The following STX11 variants were observed in gnomAD, a reference collection of about 807,000 sequenced individuals.
STX11 encodes syntaxin-11.
STX11 carries 21 observed loss-of-function variants against 19.9 expected under a neutral mutation model. The observed-to-expected ratio is 1.06, with a 90% confidence interval of 0.75 to 1.52. The LOEUF (loss-of-function observed/expected upper bound fraction) is 1.52, where lower values mean the gene tolerates loss of function less well. STX11 is among the 40% of genes most tolerant of loss of function. The pLI is 0.00. For missense variants in STX11, 438 were observed against 405.9 expected, an observed-to-expected ratio of 1.08 and a Z score of -0.68; for synonymous variants, 193 against 174.4, an observed-to-expected ratio of 1.11 and a Z score of -0.84.
intron 1 of STX11, among the ~76,000 whole-genome samples, chr6:144,166,287 C>T (rs1409329356): frequency 6.6e-6 from 1 of 152,030 alleles, no homozygotes; most frequent in African/African-American, 2.4e-5. Context: ...TAATTTGTTC[C>T]CAAAAGAAAA....
chr6:144,140,254 A>ATTTTTT, the STX11 span, among the ~76,000 whole-genome samples: 1 of 38,886 alleles, frequency 2.6e-5, no homozygotes, highest in African/African-American at 1.3e-4. Context: ...ATATATATAT[A>ATTTTTT]TTTATTTATT....
Position 144,177,757 on chromosome 6 carries a change from A to C in STX11, c.-5-8866A>C, listed in dbSNP as rs1295135379. 6.6e-6 allele frequency among the ~76,000 whole-genome samples: 1 copy of C among 152,218 alleles called. No individual in the cohort carries two copies. Among genetic ancestry groups the C allele is most frequent in the South Asian group, 2.1e-4 (1 of 4,828 alleles). ...AGAGGGAGACTCCGTCTCAAAAAAAAGAAGAAAGAAAGCTCATCTACTGTC... is the reference window on the plus strand; with the variant it reads ...AGAGGGAGACTCCGTCTCAAAAAAACGAAGAAAGAAAGCTCATCTACTGTC... On this transcript the variant is annotated intron_variant, in intron 1 of 1. Coordinates refer to ENST00000367568, the MANE Select transcript of STX11 (RefSeq NM_003764.4). The surrounding 1 kb of genome is among the most constrained non-coding windows in gnomAD (Gnocchi z 4.4).
At chr6:144,141,890 C>T in the STX11 span, among the ~76,000 whole-genome samples, 6 of 152,062 alleles carry the variant, frequency 3.9e-5, no homozygotes, top group Middle Eastern at 0.014. Flanking sequence ...CCATGTTGCC[C>T]AAGCTCATTT....
In STX11 at chr6:144,175,047, G is replaced by T. The variant is rs112496231; in HGVS notation, c.-5-11576G>T. Among the ~76,000 whole-genome samples, 1 of 152,026 alleles carries T rather than the reference G, an allele frequency of 6.6e-6. No individual in the cohort carries two copies. Among genetic ancestry groups the T allele is most frequent in the Non-Finnish European group, 1.5e-5 (1 of 68,010 alleles). On this transcript the variant is annotated intron_variant, in intron 1 of 1. Transcript: ENST00000367568. This position sits in a 1 kb window ranked among gnomAD's most constrained non-coding sequence, Gnocchi z 5.1. ...GTGGATCACTTGAGGCCAAGAGTTC[G>T]AGACCAACCTGGCCAATGTAATGAA...
the STX11 span, among the ~76,000 whole-genome samples, chr6:144,144,327 T>C: frequency 2.0e-5 from 3 of 152,164 alleles, no homozygotes; most frequent in Non-Finnish European, 4.4e-5. Context: ...AAATACAATA[T>C]TTAAACATGA....
chr6:144,156,774 C>T (rs114436270), intron 1 of STX11, among the ~76,000 whole-genome samples: 394 of 152,350 alleles, frequency 2.6e-3, no homozygotes, highest in African/African-American at 9.0e-3. Flanking sequence ...ACCTCCTCCT[C>T]CCCTCTTCCT....
Position 144,165,182 on chromosome 6 carries a change from C to T in STX11, c.-6+14479C>T, listed in dbSNP as rs538226693. On this transcript the variant is annotated intron_variant, in intron 1 of 1. Transcript: ENST00000367568. This position sits in a 1 kb window ranked among gnomAD's most constrained non-coding sequence, Gnocchi z 5.8. Reference sequence around the variant, plus strand: ...GAAGAAAAATTTTCTTGGCCGGGCGCGGTGGCTCACGCCTGTAATCCCAGC... The same window carrying T: ...GAAGAAAAATTTTCTTGGCCGGGCGTGGTGGCTCACGCCTGTAATCCCAGC... 1.1e-3 allele frequency among the ~76,000 whole-genome samples: 160 copies of T among 151,978 alleles called. 1 individual carries two copies. The highest frequency in any genetic ancestry group is 3.4e-3 in the Middle Eastern group (1 of 294).
In STX11 at chr6:144,165,311, G is replaced by A. The variant is rs530711774; in HGVS notation, c.-6+14608G>A. Among the ~76,000 whole-genome samples the A allele has an allele frequency of 1.6e-3, 242 of 152,044 alleles. 1 individual carries two copies. Among genetic ancestry groups the A allele is most frequent in the South Asian group, 8.3e-3 (40 of 4,812 alleles). On this transcript the variant is annotated intron_variant, in intron 1 of 1. Coordinates refer to ENST00000367568, the MANE Select transcript of STX11 (RefSeq NM_003764.4). This position sits in a 1 kb window ranked among gnomAD's most constrained non-coding sequence, Gnocchi z 5.8. ...CTCTACTAAAAAATACAAAATTAGC[G>A]GGGCGTGGTGGTGCATGTCTGTAAT... is the stretch of plus-strand genomic sequence containing the variant.
intron 1 of STX11, among the ~76,000 whole-genome samples, chr6:144,157,035 A>G (rs1257004670): frequency 2.0e-5 from 3 of 152,236 alleles, no homozygotes; most frequent in South Asian, 2.1e-4. Flanking sequence ...GGCCTGCTAC[A>G]TGATGCTGTC....
At position 144,188,025 on chromosome 6, in the gene STX11, G is replaced by C. The variant is rs1802109577; in HGVS notation, c.*534G>C. 4.0e-6 allele frequency: 1 copy of C among 248,224 alleles called. No individual in the cohort carries two copies. The highest frequency in any genetic ancestry group is 2.2e-5 in the African/African-American group (1 of 45,176). 15.4% of individuals were successfully genotyped at this position (248,224 alleles called of 1,614,324 possible). On this transcript the variant is annotated 3_prime_UTR_variant, in exon 2 of 2. Coordinates refer to ENST00000367568, the MANE Select transcript of STX11 (RefSeq NM_003764.4). ...GCTATGCAATTCCTCCCCAAATATA[G>C]ATCTTATTTCTGCTCATTTCCCCTA...
upstream of STX11, among the ~76,000 whole-genome samples, chr6:144,147,029 C>T (rs1365624339): frequency 6.6e-6 from 1 of 152,152 alleles, no homozygotes; most frequent in African/African-American, 2.4e-5. The surrounding 1 kb of genome is among the most constrained non-coding windows in gnomAD (Gnocchi z 4.2). Context: ...TCCATGTGTG[C>T]ATTGGATTGC....
rs1337954484 is a variant in STX11, at chr6:144,180,475, C to T, written c.-5-6148C>T. ...TAATTGAATCCTGGGGATTGGTCTTCCCTGTGCTATTCTCGTGATAGTGAA... is the reference window on the plus strand; with the variant it reads ...TAATTGAATCCTGGGGATTGGTCTTTCCTGTGCTATTCTCGTGATAGTGAA... On this transcript the variant is annotated intron_variant, in intron 1 of 1. Transcript: ENST00000367568. The surrounding 1 kb of genome is among the most constrained non-coding windows in gnomAD (Gnocchi z 5.3). 6.6e-6 allele frequency among the ~76,000 whole-genome samples: 1 copy of T among 152,188 alleles called. No homozygotes were observed. Among genetic ancestry groups the T allele is most frequent in the African/African-American group, 2.4e-5 (1 of 41,442 alleles).
rs538516020 is a variant in STX11, at chr6:144,152,070, C to A, written c.-6+1367C>A. Reference sequence around the variant, plus strand: ...ACCATGAATAATAGGATCCTGCCGGCAAGGTACTAGGGTAAATCTATACCC... The same window carrying A: ...ACCATGAATAATAGGATCCTGCCGGAAAGGTACTAGGGTAAATCTATACCC... On this transcript the variant is annotated intron_variant, in intron 1 of 1. Coordinates refer to ENST00000367568, the MANE Select transcript of STX11 (RefSeq NM_003764.4). The surrounding 1 kb of genome is among the most constrained non-coding windows in gnomAD (Gnocchi z 4.9). Among the ~76,000 whole-genome samples, 13 of 152,202 alleles carry A rather than the reference C, an allele frequency of 8.5e-5. No individual in the cohort carries two copies. Among genetic ancestry groups the A allele is most frequent in the African/African-American group, 2.9e-4 (12 of 41,512 alleles).
chr6:144,143,911 T>G, the STX11 span, among the ~76,000 whole-genome samples: 1 of 152,248 alleles, frequency 6.6e-6, no homozygotes, highest in Non-Finnish European at 1.5e-5. Context: ...TTTAAGCTAC[T>G]TTTTAAATAA....
At position 144,151,683 on chromosome 6, in the gene STX11, A is replaced by G. The variant is rs898595229; in HGVS notation, c.-6+980A>G. Among the ~76,000 whole-genome samples the G allele has an allele frequency of 1.3e-5, 2 of 152,230 alleles. No homozygotes were observed. The highest frequency in any genetic ancestry group is 1.5e-5 in the Non-Finnish European group (1 of 68,032). ...AAGAGAAAATTAATTTCATTATTCA[A>G]TGACCATTTTGCTGTCATTTTCACT... On this transcript the variant is annotated intron_variant, in intron 1 of 1. Coordinates refer to ENST00000367568, the MANE Select transcript of STX11 (RefSeq NM_003764.4). This position sits in a 1 kb window ranked among gnomAD's most constrained non-coding sequence, Gnocchi z 4.6.
chr6:144,185,125 A>G (rs982801513), intron 1 of STX11, among the ~76,000 whole-genome samples: 1 of 152,196 alleles, frequency 6.6e-6, no homozygotes, highest in Non-Finnish European at 1.5e-5. Context: ...AGCAGCTTAC[A>G]TTGTTACATT....
In STX11 at chr6:144,154,443, TCA is replaced by T. The variant is rs34395399; in HGVS notation, c.-6+3743_-6+3744del. Among the ~76,000 whole-genome samples the T allele has an allele frequency of 0.03, 4,571 of 152,284 alleles. 222 individuals are homozygous for T. Among genetic ancestry groups the T allele is most frequent in the African/African-American group, 0.1 (4,261 of 41,528 alleles). On this transcript the variant is annotated intron_variant, in intron 1 of 1. Transcript: ENST00000367568. The surrounding 1 kb of genome is among the most constrained non-coding windows in gnomAD (Gnocchi z 4.7). ...GGAATTGAAACATCTTAATGGAGAC[TCA>T]CAGTGTCTGAAGGTTCCAAGTGCTT...
rs568491625 is a variant in STX11, at chr6:144,169,089, T to C, written c.-5-17534T>C. ...AAGCCTTTTTATTAGCATAATGGAT[T>C]GGTAAGAAATTCACTCCTTGGAAAC... On this transcript the variant is annotated intron_variant, in intron 1 of 1. Transcript: ENST00000367568. This position sits in a 1 kb window ranked among gnomAD's most constrained non-coding sequence, Gnocchi z 5.2. 6.6e-6 allele frequency among the ~76,000 whole-genome samples: 1 copy of C among 152,298 alleles called. No individual in the cohort carries two copies. The highest frequency in any genetic ancestry group is 6.5e-5 in the Admixed American group (1 of 15,294).
rs79920370 is a variant in STX11, at chr6:144,151,552, T to C, written c.-6+849T>C. 453 of 553,952 alleles carry C rather than the reference T, an allele frequency of 8.2e-4. 7 individuals carry two copies. The East Asian group carries it at 0.036, about 44-fold the overall frequency. 34.3% of individuals were successfully genotyped at this position (553,952 alleles called of 1,614,324 possible). On this transcript the variant is annotated intron_variant, in intron 1 of 1. Transcript: ENST00000367568. This position sits in a 1 kb window ranked among gnomAD's most constrained non-coding sequence, Gnocchi z 4.6. Reference sequence around the variant, plus strand: ...GGGGCAGTGGTATGGGAAGTGACGATTGAGTTTTCAGTTTCCTAAGGCGCC... The same window carrying C: ...GGGGCAGTGGTATGGGAAGTGACGACTGAGTTTTCAGTTTCCTAAGGCGCC...
Sources: allele counts gnomAD v4.1 joint callset (sites outside exome capture counted in the v4.1 genomes callset), GRCh38; gene constraint gnomAD v4.1.1; non-coding constraint Gnocchi (gnomAD v3.1); transcripts MANE v1.5; gene names NCBI Gene and HGNC (gene_info 2026-07-23, HGNC 2026-07-21).